Variants in PRR13 observed in about 807,000 individuals in gnomAD.
PRR13 encodes the protein proline rich 13.
Under a neutral mutation model 11.5 loss-of-function variants are expected in PRR13, and 7 were observed. The ratio of observed to expected loss-of-function variants is 0.61; its 90% CI spans 0.34 to 1.14. PRR13 has a LOEUF of 1.14. Among genes scored for constraint, PRR13 ranks in the 50% most tolerant of loss-of-function variants. The pLI is 0.03. For synonymous variants in PRR13, 53 were observed against 67.8 expected (o/e 0.78, Z 1.07); for missense variants, 155 against 194.4 (o/e 0.80, Z 1.21).
intron 3 of PRR13, among the ~76,000 whole-genome samples, chr12:53,444,494 T>C (rs1940363598): frequency 6.6e-6 from 1 of 152,090 alleles, no homozygotes; most frequent in African/African-American, 2.4e-5. Context: ...CGCGCCCGGC[T>C]AATTCTTTGT....
chr12:53,442,034 C>G (rs1486959718), intron 1 of PRR13: 58 of 583,250 alleles, frequency 9.9e-5, no homozygotes, highest in Non-Finnish European at 2.7e-5. Flanking sequence ...TGTTTGAGAT[C>G]CTTTCTTACT....
rs553736928 is a variant in PRR13, at chr12:53,443,358, A to G, written c.20-33A>G. On this transcript the variant is annotated intron_variant, in intron 2 of 3. Transcript: ENST00000429243. The stretch of plus-strand genomic sequence containing the variant: ...TGTTTGTTGTTGGAGACTCTGGGGA[A>G]TTCTAATGTTTATTCTCTGCTTCTT... 5.1e-6 allele frequency: 7 copies of G among 1,361,380 alleles called. No individual in the cohort carries two copies. In the African/African-American group the frequency reaches 1.0e-4, roughly 20 times the overall value. 84.3% of individuals were successfully genotyped at this position (1,361,380 alleles called of 1,614,324 possible).
Position 53,443,465 on chromosome 12 carries a change from A to G in PRR13, c.94A>G (p.Ile32Val), listed in dbSNP as rs1348079567. ...GGSNPAHPPP[I>V]NPPFPPGPCP... ...TTCCAATCCTGCCCACCCACCACCT[A>G]TTAATCCACCCTTTCCCCCAGGCCC... Residue 32 changes from isoleucine to valine, a missense_variant, in exon 3 of 4, where the codon ATT (isoleucine) becomes GTT (valine). Transcript: ENST00000429243. 6.9e-7 allele frequency: 1 copy of G among 1,445,294 alleles called. No homozygotes were observed. Among genetic ancestry groups the G allele is most frequent in the Admixed American group, 2.8e-5 (1 of 35,264 alleles). 89.5% of individuals were successfully genotyped at this position (1,445,294 alleles called of 1,614,324 possible).
In PRR13 at chr12:53,443,678, G is replaced by A; in HGVS notation, c.307G>A (p.Val103Met). The A allele has an allele frequency of 6.2e-7, 1 of 1,614,224 alleles. No individual in the cohort carries two copies. The highest frequency in any genetic ancestry group is 1.1e-5 in the South Asian group (1 of 91,086). Residue 103 changes from valine (V) to methionine (M), a missense_variant, in exon 3 of 4, where the codon GTG becomes ATG. Val to Met is a conservative substitution (Grantham distance 21). Coordinates refer to ENST00000429243, the MANE Select transcript of PRR13 (RefSeq NM_018457.4). ...GGCTCCTGGCATGGTTGGACCAGCA[G>A]TGATAGTAGACAAGAAGATGCAGAA... The part of the protein sequence containing the change: ...PLAPGMVGPA[V>M]IVDKKMQKKM...
chr12:53,443,666 G>T lies in PRR13; in HGVS notation c.295G>T (p.Val99Phe), dbSNP rs1476769063. 1 of 1,614,170 alleles carries T rather than the reference G, an allele frequency of 6.2e-7. No homozygotes were observed. Among genetic ancestry groups the T allele is most frequent in the Non-Finnish European group, 8.5e-7 (1 of 1,180,038 alleles). ...PPVNPLAPGM[V>F]GPAVIVDKKM... ...TGTGAATCCCTTGGCTCCTGGCATG[G>T]TTGGACCAGCAGTGATAGTAGACAA... Residue 99 changes from valine to phenylalanine, a missense_variant, in exon 3 of 4, where the codon GTT becomes TTT. Physicochemically the swap from Val to Phe is conservative, Grantham distance 50. Transcript: ENST00000429243.
At chr12:53,442,420 TTTTTAGTAGAG>T (rs894362732) in intron 1 of PRR13, 1 of 313,214 alleles carries the variant, frequency 3.2e-6, no homozygotes, top group Non-Finnish European at 6.0e-6. Context: ...AATTTTTAGA[TTTTTAGTAGAG>T]ACGGGGTTTC....
chr12:53,446,269 C>T lies in PRR13; in HGVS notation c.*210C>T, dbSNP rs1940399747. 1 of 731,932 alleles carries T rather than the reference C, an allele frequency of 1.4e-6. No homozygotes were observed. Among genetic ancestry groups the T allele is most frequent in the African/African-American group, 1.8e-5 (1 of 55,440 alleles). 45.3% of individuals were successfully genotyped at this position (731,932 alleles called of 1,614,324 possible). A position where few individuals can be genotyped will look rare whatever the true frequency, so the allele number is the denominator to read the frequency against. ...CCATCTTGTTGCTGCTTGGTTAGAT[C>T]ATATAGCTAATGAATTAGGCAGGGG... is the stretch of plus-strand genomic sequence containing the variant. On this transcript the variant is annotated 3_prime_UTR_variant, in exon 4 of 4. Coordinates refer to ENST00000429243, the MANE Select transcript of PRR13 (RefSeq NM_018457.4).
Position 53,442,773 on chromosome 12 carries a change from T to C in PRR13, c.19+40T>C, listed in dbSNP as rs901204331. The C allele has an allele frequency of 3.8e-6, 6 of 1,579,340 alleles. No homozygotes were observed. The Admixed American group carries it at 8.4e-5, about 22-fold the overall frequency. ...GTTCTGTTCCACCCCTAACCCTTTT[T>C]CTGATGGGCTCTATAACAGGAAGTT... On this transcript the variant is annotated intron_variant, in intron 2 of 3. Coordinates refer to ENST00000429243, the MANE Select transcript of PRR13 (RefSeq NM_018457.4).
At chr12:53,443,199 C>T (rs1300621047) in intron 2 of PRR13, 192 bp from the exon 3 acceptor site, 7 of 550,790 alleles carry the variant, frequency 1.3e-5, no homozygotes, top group Non-Finnish European at 2.1e-5. Flanking sequence ...TGTCTCCCTC[C>T]TCTCCCTAGC....
chr12:53,443,150 C>A (rs1252433799), intron 2 of PRR13: 1 of 465,466 alleles, frequency 2.1e-6, no homozygotes. Flanking sequence ...AGCCACCGCG[C>A]CTGGACTGAC....
intron 3 of PRR13, chr12:53,444,146 C>T (rs1424806646): frequency 2.7e-5 from 10 of 367,140 alleles, no homozygotes; most frequent in Non-Finnish European, 4.9e-6. Context: ...TTTGACAAAG[C>T]AAGGTCTTAT....
intron 3 of PRR13, among the ~76,000 whole-genome samples, chr12:53,445,332 G>C (rs984325202): frequency 2.0e-5 from 3 of 147,314 alleles, no homozygotes; most frequent in Non-Finnish European, 4.4e-5. Flanking sequence ...TGGGCAACTG[G>C]GTGAAACTCC....
chr12:53,446,159 C>T lies in PRR13; in HGVS notation c.*100C>T. 1 of 1,584,700 alleles carries T rather than the reference C, an allele frequency of 6.3e-7. No individual in the cohort carries two copies. Among genetic ancestry groups the T allele is most frequent in the South Asian group, 1.1e-5 (1 of 89,548 alleles). The stretch of plus-strand genomic sequence containing the variant: ...TGGGGGAATGTAGCCCTTGTGCTCC[C>T]CACCCCCTACCTCCACCTGAGCCTC... On this transcript the variant is annotated 3_prime_UTR_variant, in exon 4 of 4. Coordinates refer to ENST00000429243, the MANE Select transcript of PRR13 (RefSeq NM_018457.4).
Position 53,443,770 on chromosome 12 carries a change from C to A in PRR13, c.399C>A (p.Gly133=), listed in dbSNP as rs1410830885. The A allele has an allele frequency of 6.2e-7, 1 of 1,602,362 alleles. No individual in the cohort carries two copies. ...AGCACCACAAGTACCACAAGCATGG[C>A]AAGGTCAGTACCCTCTGGAGACTGG... is the stretch of plus-strand genomic sequence containing the variant. ...HQKHHKYHKH[G]KHSSSSSSSS... The change falls in exon 3 of 4, where the codon GGC becomes GGA. Residue 133 remains glycine, a synonymous_variant. Transcript: ENST00000429243.
intron 1 of PRR13, chr12:53,442,011 GGAGA>G (rs1940301481): frequency 1.0e-5 from 6 of 596,518 alleles, no homozygotes; most frequent in Non-Finnish European, 1.8e-5. Context: ...TCCTCCCCAG[GGAGA>G]GAGAAAGTTG....
intron 1 of PRR13, 135 bp downstream of exon 1, chr12:53,441,927 A>G: frequency 1.5e-6 from 1 of 665,608 alleles, no homozygotes; most frequent in South Asian, 1.6e-5. Context: ...CACATATTTA[A>G]GTATTTGAGG....
At position 53,443,763 on chromosome 12, in the gene PRR13, A is replaced by C. The variant is rs760028791; in HGVS notation, c.392A>C (p.Lys131Thr). The change falls in exon 3 of 4, where the codon AAG (lysine) becomes ACG (threonine). Residue 131 changes from lysine (K) to threonine (T), a missense_variant. Coordinates refer to ENST00000429243, the MANE Select transcript of PRR13 (RefSeq NM_018457.4). ...HKHQKHHKYH[K>T]HGKHSSSSSS... The stretch of plus-strand genomic sequence containing the variant: ...CACCAAAAGCACCACAAGTACCACA[A>C]GCATGGCAAGGTCAGTACCCTCTGG... The C allele has an allele frequency of 2.0e-5, 32 of 1,605,266 alleles. No homozygotes were observed. The East Asian group carries it at 6.7e-4, about 34-fold the overall frequency.
At chr12:53,444,301 GCTT>G (rs1200979337) in intron 3 of PRR13, among the ~76,000 whole-genome samples, 1 of 151,550 alleles carries the variant, frequency 6.6e-6, no homozygotes, top group Non-Finnish European at 1.5e-5. Context: ...CAGTGACTAG[GCTT>G]CTAACAAAGC....
chr12:53,446,149 C>T lies in PRR13; in HGVS notation c.*90C>T, dbSNP rs1940397099. On this transcript the variant is annotated 3_prime_UTR_variant, in exon 4 of 4. Coordinates refer to ENST00000429243, the MANE Select transcript of PRR13 (RefSeq NM_018457.4). ...CATGTTGTACTGGGGGAATGTAGCCCTTGTGCTCCCCACCCCCTACCTCCA... is the reference window on the plus strand; with the variant it reads ...CATGTTGTACTGGGGGAATGTAGCCTTTGTGCTCCCCACCCCCTACCTCCA... 1 of 1,597,062 alleles carries T rather than the reference C, an allele frequency of 6.3e-7. No individual in the cohort carries two copies.
Sources: gnomAD v4.1 joint callset for allele counts (sites outside exome capture counted in the v4.1 genomes callset) on GRCh38, gnomAD v4.1.1 for gene constraint, MANE v1.5 for transcripts, NCBI Gene and HGNC (gene_info 2026-07-23, HGNC 2026-07-21) for gene names.